The following DMXL1 variants were observed in gnomAD, a reference collection of about 807,000 sequenced individuals.
The protein encoded by DMXL1 is dmX-like protein 1.
DMXL1 carries 99 observed loss-of-function variants against 319.2 expected under a neutral mutation model. The ratio of observed to expected loss-of-function variants is 0.31; its 90% CI spans 0.26 to 0.37. The LOEUF (loss-of-function observed/expected upper bound fraction) is 0.37, where lower values mean the gene tolerates loss of function less well. Ranked by LOEUF, DMXL1 falls within the 10% of genes least tolerant of loss-of-function variation. The probability of loss-of-function intolerance (pLI) is 1.00; values close to 1 mark genes in which losing one functional copy is unlikely to be tolerated. For missense variants in DMXL1, 3,745 were observed against 3,595.6 expected, an observed-to-expected ratio of 1.04 and a Z score of -1.06; for synonymous variants, 1,385 against 1,235.2, an observed-to-expected ratio of 1.12 and a Z score of -2.54.
At chr5:119,075,798 C>G (rs760345211) in intron 1 of DMXL1, among the ~76,000 whole-genome samples, 1 of 151,852 alleles carries the variant, frequency 6.6e-6, no homozygotes, top group African/African-American at 2.4e-5. Flanking sequence ...CTCCTGGGCT[C>G]AAGTGATCCT....
Position 119,171,825 on chromosome 5 carries a change from A to G in DMXL1, c.6537A>G (p.Ser2179=). ...LFSSPLSEQT[S]VPLLFACTAN... ...CTAGCCCTCTGTCAGAGCAAACCTC[A>G]GTGCCTCTCCTCTTTGCTTGTACAG... is the stretch of plus-strand genomic sequence containing the variant. Residue 2179 remains serine, a synonymous_variant, in exon 25 of 44, where the codon TCA becomes TCG. Transcript: ENST00000539542. 2 of 1,613,850 alleles carry G rather than the reference A, an allele frequency of 1.2e-6. No individual in the cohort carries two copies. The highest frequency in any genetic ancestry group is 1.7e-6 in the Non-Finnish European group (2 of 1,179,824).
At chr5:119,101,789 A>G (rs773191297) in intron 2 of DMXL1, 146 bp from the exon 3 acceptor site, 8 of 620,272 alleles carry the variant, frequency 1.3e-5, no homozygotes, top group Non-Finnish European at 2.3e-5. Context: ...CAGATGTGAT[A>G]GTCTTCAAAA....
intron 28 of DMXL1, among the ~76,000 whole-genome samples, chr5:119,182,818 C>T (rs1777017611): frequency 6.6e-6 from 1 of 152,040 alleles, no homozygotes. Context: ...TCATGGAACT[C>T]TGAATTGTTT....
chr5:119,114,350 T>A, intron 5 of DMXL1, 125 bp from the exon 6 acceptor site: 2 of 687,568 alleles, frequency 2.9e-6, no homozygotes, highest in South Asian at 3.5e-5. Context: ...TACACAAAGA[T>A]GTGGGTGTGA....
At chr5:119,202,885 T>TATATATATATATATATTTATATA (rs1554139437) in intron 32 of DMXL1, among the ~76,000 whole-genome samples, 6 of 130,788 alleles carry the variant, frequency 4.6e-5, no homozygotes, top group African/African-American at 1.8e-4. Context: ...ATATATATTT[T>TATATATATATATATATTTATATA]TATATATATA....
intron 29 of DMXL1, among the ~76,000 whole-genome samples, chr5:119,191,652 C>A (rs957062713): frequency 6.6e-6 from 1 of 152,180 alleles, no homozygotes; most frequent in African/African-American, 2.4e-5. Context: ...AATATCACAA[C>A]CTCAAAGTAG....
At chr5:119,188,843 A>T (rs1778215653) in intron 28 of DMXL1, among the ~76,000 whole-genome samples, 3 of 152,266 alleles carry the variant, frequency 2.0e-5, no homozygotes, top group Admixed American at 2.0e-4. Flanking sequence ...AGACGCTTCA[A>T]ACAATAAAAC....
chr5:119,081,829 T>G (rs2149693644), intron 1 of DMXL1: 1 of 642,750 alleles, frequency 1.6e-6, no homozygotes, highest in South Asian at 7.0e-5. Context: ...AAAGAGTTCC[T>G]TTGGAAATAA....
At chr5:119,233,249 C>A (rs1787115738) in intron 38 of DMXL1, 91 bp from the exon 39 acceptor site, 2 of 1,328,050 alleles carry the variant, frequency 1.5e-6, no homozygotes, top group Non-Finnish European at 2.1e-6. Context: ...TTAGATGTTT[C>A]TTTCATAAAG....
intron 1 of DMXL1, among the ~76,000 whole-genome samples, chr5:119,085,527 T>G (rs1753175892): frequency 6.6e-6 from 1 of 152,176 alleles, no homozygotes; most frequent in Admixed American, 6.5e-5. Flanking sequence ...GATTTTTGTA[T>G]GTTGATTTTG....
In DMXL1 at chr5:119,195,299, T is replaced by C. The variant is rs111803101; in HGVS notation, c.7458-1072T>C. Among the ~76,000 whole-genome samples the C allele has an allele frequency of 2.0e-3, 299 of 152,334 alleles. 1 individual carries two copies. The highest frequency in any genetic ancestry group is 6.8e-3 in the African/African-American group (284 of 41,572). ...CTGAAACAGGTATTTGTACTTCCCA[T>C]GTTCTTAGCAGCATTATTTACAGTA... is the stretch of plus-strand genomic sequence containing the variant. On this transcript the variant is annotated intron_variant, in intron 30 of 43. Coordinates refer to ENST00000539542, the MANE Select transcript of DMXL1 (RefSeq NM_001290321.3).
intron 10 of DMXL1, among the ~76,000 whole-genome samples, chr5:119,131,719 C>G (rs1764937741): frequency 6.6e-6 from 1 of 152,170 alleles, no homozygotes; most frequent in Non-Finnish European, 1.5e-5. Flanking sequence ...AATATTAGGT[C>G]TTCTACCAGT....
intron 38 of DMXL1, among the ~76,000 whole-genome samples, chr5:119,225,338 T>C (rs1785339068): frequency 6.6e-6 from 1 of 152,100 alleles, no homozygotes; most frequent in Admixed American, 6.6e-5. Flanking sequence ...CTAGGAATCT[T>C]AAAAGTTTCT....
At chr5:119,181,946 C>A (rs1776856235) in intron 28 of DMXL1, among the ~76,000 whole-genome samples, 1 of 152,132 alleles carries the variant, frequency 6.6e-6, no homozygotes, top group South Asian at 2.1e-4. Context: ...GAAAATCAAC[C>A]AAGACAAGGA....
At chr5:119,157,051 TC>T (rs1771251924) in intron 19 of DMXL1, among the ~76,000 whole-genome samples, 3 of 152,002 alleles carry the variant, frequency 2.0e-5, no homozygotes, top group Admixed American at 2.0e-4. Flanking sequence ...AGGGTCTTAC[TC>T]TGTTGCCCAG....
chr5:119,221,464 T>C (rs1019606764), intron 37 of DMXL1, among the ~76,000 whole-genome samples: 1 of 152,194 alleles, frequency 6.6e-6, no homozygotes, highest in Non-Finnish European at 1.5e-5. Flanking sequence ...GTTTTTTCAA[T>C]AGTTGAAAAA....
intron 32 of DMXL1, among the ~76,000 whole-genome samples, chr5:119,200,160 C>T (rs777651441): frequency 1.3e-5 from 2 of 151,920 alleles, no homozygotes; most frequent in East Asian, 1.9e-4. Flanking sequence ...TTCCTGTGTC[C>T]GGGGTGGTAT....
chr5:119,127,535 T>C (rs1476818677), intron 9 of DMXL1, among the ~76,000 whole-genome samples: 1 of 152,178 alleles, frequency 6.6e-6, no homozygotes, highest in Non-Finnish European at 1.5e-5. Context: ...GCCTCCTGGC[T>C]TCAAGTGATT....
intron 34 of DMXL1, among the ~76,000 whole-genome samples, chr5:119,210,433 A>C (rs541878176): frequency 5.1e-4 from 78 of 152,268 alleles, no homozygotes; most frequent in African/African-American, 1.5e-3. Context: ...AATCCATTTC[A>C]AGTTAATTTG....
Sources: allele counts gnomAD v4.1 joint callset (sites outside exome capture counted in the v4.1 genomes callset), GRCh38; gene constraint gnomAD v4.1.1; transcripts MANE v1.5; gene names NCBI Gene and HGNC (gene_info 2026-07-23, HGNC 2026-07-21).